Variants in CSMD1 observed in about 807,000 individuals in gnomAD.
The protein encoded by CSMD1 is CUB and sushi domain-containing protein 1.
CSMD1 carries 213 observed loss-of-function variants against 417.5 expected under a neutral mutation model. The observed-to-expected ratio is 0.51, with a 90% confidence interval of 0.46 to 0.57. The LOEUF (loss-of-function observed/expected upper bound fraction) is 0.57. Among genes scored for constraint, CSMD1 ranks in the 20% least tolerant of loss-of-function variants. The probability of loss-of-function intolerance (pLI) is 0.00; values close to 1 mark genes in which losing one functional copy is unlikely to be tolerated. For missense variants in CSMD1, 6,923 were observed against 4,529.7 expected (o/e 1.53, Z -15.17); for synonymous variants, 2,862 against 1,736.8 (o/e 1.65, Z -16.11).
chr8:4,862,951 G>T (rs187731322), intron 1 of CSMD1, among the ~76,000 whole-genome samples: 1 of 151,878 alleles, frequency 6.6e-6, no homozygotes, highest in South Asian at 2.1e-4. Context: ...AGAGATAATG[G>T]CCACAAAGCC....
Position 4,683,419 on chromosome 8 carries a change from A to G in CSMD1, c.86-45861T>C, listed in dbSNP as rs896681468. On this transcript the variant is annotated intron_variant, in intron 1 of 69. Transcript: ENST00000635120. ...GACCTGTCCTTACATTTACACACTC[A>G]TTATATCCTGAAGGACACACTTGAT... Among the ~76,000 whole-genome samples, 3 of 152,124 alleles carry G rather than the reference A, an allele frequency of 2.0e-5. No homozygotes were observed. The East Asian group carries it at 5.8e-4, about 29-fold the overall frequency.
At chr8:3,569,567 A>C (rs1055884271) in intron 10 of CSMD1, among the ~76,000 whole-genome samples, 28 of 152,320 alleles carry the variant, frequency 1.8e-4, no homozygotes, top group African/African-American at 6.5e-4. Context: ...GAAGTATGCA[A>C]ATTCTTCACA....
At chr8:3,591,774 T>C (rs1263950765) in intron 8 of CSMD1, among the ~76,000 whole-genome samples, 3 of 149,690 alleles carry the variant, frequency 2.0e-5, no homozygotes, top group African/African-American at 7.3e-5. Flanking sequence ...GACAAAGAGA[T>C]GGATGGATGG....
rs74975097 is a variant in CSMD1 at position 4,286,192 on chromosome 8, T to A, written c.415+133761A>T. On this transcript the variant is annotated intron_variant, in intron 3 of 69. Transcript: ENST00000635120. ...AGTCAAGAGGAGCTCCAGTTTTCTT[T>A]TCTCCCGACTGCAAACTCTGTAATT... 2.3e-3 allele frequency among the ~76,000 whole-genome samples: 357 copies of A among 152,238 alleles called. 2 individuals are homozygous for A. Among genetic ancestry groups the A allele is most frequent in the African/African-American group, 8.2e-3 (342 of 41,562 alleles).
chr8:3,112,020 T>C (rs938707582), intron 42 of CSMD1, among the ~76,000 whole-genome samples: 1 of 151,814 alleles, frequency 6.6e-6, no homozygotes, highest in Non-Finnish European at 1.5e-5. Context: ...ACCGCTTCCT[T>C]AAGGTCTTTC....
intron 39 of CSMD1, among the ~76,000 whole-genome samples, chr8:3,153,146 A>G (rs1345809311): frequency 1.3e-5 from 2 of 152,178 alleles, no homozygotes; most frequent in Non-Finnish European, 2.9e-5. Context: ...TAAACCCACC[A>G]AAGCCAAGAT....
intron 1 of CSMD1, among the ~76,000 whole-genome samples, chr8:4,735,173 A>C (rs1366947702): frequency 6.6e-6 from 1 of 152,156 alleles, no homozygotes; most frequent in Non-Finnish European, 1.5e-5. Context: ...TCCCTCACCA[A>C]TGAGGAATGC....
rs530457776 is a variant in CSMD1 at position 3,680,887 on chromosome 8, C to T, written c.1009+27527G>A. 2.9e-3 allele frequency among the ~76,000 whole-genome samples: 437 copies of T among 152,218 alleles called. 4 individuals carry two copies. The Middle Eastern group carries it at 0.041, about 14-fold the overall frequency. ...TGGGATGCAAGGCTGGTTCAATATA[C>T]GCAAATCAGTAAACGTAATCCAGCA... On this transcript the variant is annotated intron_variant, in intron 7 of 69. Transcript: ENST00000635120.
chr8:3,461,873 C>T (rs768732973), intron 12 of CSMD1, among the ~76,000 whole-genome samples: 1 of 152,206 alleles, frequency 6.6e-6, no homozygotes, highest in Non-Finnish European at 1.5e-5. Flanking sequence ...CCTGTGAGGA[C>T]TTGGGTCAGC....
At chr8:3,730,893 C>G (rs931176) in intron 6 of CSMD1, among the ~76,000 whole-genome samples, 146,552 of 152,158 alleles carry the variant, frequency 0.96, 70,853 homozygotes, top group East Asian at 1. Context: ...CACTATAATA[C>G]GTAGACCAAT....
At chr8:4,108,948 A>G (rs1207436792) in intron 3 of CSMD1, among the ~76,000 whole-genome samples, 2 of 152,174 alleles carry the variant, frequency 1.3e-5, no homozygotes, top group Non-Finnish European at 2.9e-5. Context: ...GAAATTGTCC[A>G]TTTATGTATA....
chr8:3,294,041 A>G (rs1034684104), intron 25 of CSMD1, among the ~76,000 whole-genome samples: 2 of 152,082 alleles, frequency 1.3e-5, no homozygotes, highest in African/African-American at 4.8e-5. Context: ...TTTTCCTTCT[A>G]ACAGTCAGGA....
intron 3 of CSMD1, among the ~76,000 whole-genome samples, chr8:4,190,015 T>C (rs1366272814): frequency 1.3e-5 from 2 of 151,730 alleles, no homozygotes; most frequent in African/African-American, 2.4e-5. Context: ...TCCCAGCACT[T>C]TGGGAGGCCA....
intron 1 of CSMD1, among the ~76,000 whole-genome samples, chr8:4,991,984 C>G (rs1320043013): frequency 6.6e-6 from 1 of 152,198 alleles, no homozygotes; most frequent in Non-Finnish European, 1.5e-5. Flanking sequence ...GGACCCCCTC[C>G]GCGCGCACAC....
intron 5 of CSMD1, among the ~76,000 whole-genome samples, chr8:3,854,579 C>A (rs188382960): frequency 6.6e-6 from 1 of 152,028 alleles, no homozygotes. Flanking sequence ...TCTCCCTGCA[C>A]TGGAACTCCC....
chr8:4,391,313 G>A (rs1402956778), intron 3 of CSMD1, among the ~76,000 whole-genome samples: 1 of 152,120 alleles, frequency 6.6e-6, no homozygotes, highest in African/African-American at 2.4e-5. Flanking sequence ...CTTAAGACAT[G>A]GTGTGTTTCC....
At chr8:3,476,861 T>G (rs1218170254) in intron 11 of CSMD1, among the ~76,000 whole-genome samples, 1 of 142,724 alleles carries the variant, frequency 7.0e-6, no homozygotes, top group African/African-American at 2.6e-5. Context: ...GAGGTCGCAG[T>G]GAGCCAAGAC....
chr8:4,173,595 T>A (rs1797883114), intron 3 of CSMD1, among the ~76,000 whole-genome samples: 1 of 152,232 alleles, frequency 6.6e-6, no homozygotes, highest in East Asian at 1.9e-4. Context: ...TCGCTGGGTT[T>A]AAAAGTTATT....
In CSMD1 at chr8:4,795,252, C is replaced by CTTTTTTTTTTTTTTTTTTTTTTTTTTTT. The variant is rs571984359; in HGVS notation, c.86-157722_86-157695dup. On this transcript the variant is annotated intron_variant, in intron 1 of 69. Coordinates refer to ENST00000635120, the MANE Select transcript of CSMD1 (RefSeq NM_033225.6). ...ATTTCTAGGTCTGCTGGTGTCATAGCTTTTTTTTTTTTTTTTTTTTTTTTT... is the reference window on the plus strand; with the variant it reads ...ATTTCTAGGTCTGCTGGTGTCATAGCTTTTTTTTTTTTTTTTTTTTTTTTTTTTTTTTTTTTTTTTTTTTTTTTTTTTT... Among the ~76,000 whole-genome samples, 6 of 46,226 alleles carry CTTTTTTTTTTTTTTTTTTTTTTTTTTTT rather than the reference C, an allele frequency of 1.3e-4. 1 individual carries two copies. The highest frequency in any genetic ancestry group is 2.2e-4 in the African/African-American group (3 of 13,848). The allele number at this position is 46,226 out of a possible 152,430, so 30.3% of individuals were successfully genotyped here. A position where few individuals can be genotyped will look rare whatever the true frequency, so the allele number is the denominator to read the frequency against.
Sources: allele counts gnomAD v4.1 joint callset (sites outside exome capture counted in the v4.1 genomes callset), GRCh38; gene constraint gnomAD v4.1.1; transcripts MANE v1.5; gene names NCBI Gene and HGNC (gene_info 2026-07-23, HGNC 2026-07-21).